PDS5B: variants seen among roughly 807,000 people sequenced by gnomAD.
PDS5B encodes the protein sister chromatid cohesion protein PDS5 homolog B.
PDS5B carries 51 observed loss-of-function variants against 184.1 expected under a neutral mutation model. That is an observed-to-expected ratio of 0.28 (90% CI 0.22 to 0.35). The LOEUF (loss-of-function observed/expected upper bound fraction) is 0.35, where lower values mean the gene tolerates loss of function less well. Ranked by LOEUF, PDS5B falls within the 10% of genes least tolerant of loss-of-function variation. PDS5B has a pLI of 1.00. For missense variants in PDS5B, 1,180 were observed against 1,723.3 expected, an observed-to-expected ratio of 0.68 and a Z score of 5.58; for synonymous variants, 566 against 569.2, an observed-to-expected ratio of 0.99 and a Z score of 0.08.
chr13:32,616,879 A>C (rs2140524177), intron 1 of PDS5B, among the ~76,000 whole-genome samples: 1 of 152,362 alleles, frequency 6.6e-6, no homozygotes, highest in African/African-American at 2.4e-5. Context: ...AGTAGTATTT[A>C]TCATAGTAAA....
chr13:32,653,296 CA>C (rs915575573), intron 3 of PDS5B, among the ~76,000 whole-genome samples: 17 of 151,170 alleles, frequency 1.1e-4, no homozygotes, highest in Non-Finnish European at 2.1e-4. Context: ...GAAAACAAAA[CA>C]AAAAAAAGAT....
intron 1 of PDS5B, among the ~76,000 whole-genome samples, chr13:32,623,387 C>G (rs1340283026): frequency 6.6e-6 from 1 of 152,168 alleles, no homozygotes; most frequent in Non-Finnish European, 1.5e-5. Flanking sequence ...ATTGAGGCCC[C>G]TACCATAATT....
chr13:32,643,048 A>G (rs1046237647), intron 1 of PDS5B, among the ~76,000 whole-genome samples: 1 of 151,976 alleles, frequency 6.6e-6, no homozygotes, highest in Non-Finnish European at 1.5e-5. Flanking sequence ...TTACAAGGTC[A>G]CTCTGTCTAC....
At chr13:32,698,254 A>G (rs1347860084) in intron 15 of PDS5B, among the ~76,000 whole-genome samples, 1 of 152,024 alleles carries the variant, frequency 6.6e-6, no homozygotes, top group Non-Finnish European at 1.5e-5. Context: ...TTTTTCTGAA[A>G]TAATAGGCCT....
In PDS5B at chr13:32,590,725, G is replaced by A. The variant is rs150871280; in HGVS notation, c.-20+4132G>A. ...GTAATTGAAGATATTTTAAAGGAAAGCTCCATATCTCCAAAATATTATTTA... is the reference window on the plus strand; with the variant it reads ...GTAATTGAAGATATTTTAAAGGAAAACTCCATATCTCCAAAATATTATTTA... On this transcript the variant is annotated intron_variant, in intron 1 of 34. Transcript: ENST00000315596. 3.3e-5 allele frequency among the ~76,000 whole-genome samples: 5 copies of A among 152,210 alleles called. No individual in the cohort carries two copies. The East Asian group carries it at 9.6e-4, about 29-fold the overall frequency.
At chr13:32,717,007 G>C (rs1235079835) in intron 19 of PDS5B, among the ~76,000 whole-genome samples, 1 of 135,418 alleles carries the variant, frequency 7.4e-6, no homozygotes, top group African/African-American at 3.0e-5. Flanking sequence ...TGCCCCGTCC[G>C]GGAGGGAGGT....
At chr13:32,766,447 C>T (rs948485826) in intron 31 of PDS5B, among the ~76,000 whole-genome samples, 6 of 152,128 alleles carry the variant, frequency 3.9e-5, no homozygotes, top group African/African-American at 1.4e-4. Flanking sequence ...TTTGTTGTGG[C>T]ATGGATAATG....
At chr13:32,715,766 CTCCTGCCTCA>C in intron 19 of PDS5B, among the ~76,000 whole-genome samples, 1 of 152,168 alleles carries the variant, frequency 6.6e-6, no homozygotes, top group Non-Finnish European at 1.5e-5. Context: ...CTGCCTGATT[CTCCTGCCTCA>C]GCCTGCCGAG....
At chr13:32,695,646 G>A (rs749366115) in intron 14 of PDS5B, among the ~76,000 whole-genome samples, 1 of 151,974 alleles carries the variant, frequency 6.6e-6, no homozygotes, top group Non-Finnish European at 1.5e-5. Flanking sequence ...TATGTTAAGT[G>A]TATAAATCAT....
chr13:32,694,021 C>G (rs746810795), intron 13 of PDS5B, among the ~76,000 whole-genome samples: 2 of 151,732 alleles, frequency 1.3e-5, no homozygotes, highest in African/African-American at 2.4e-5. Flanking sequence ...AATTCGACCA[C>G]TGATTATTTC....
rs760089686 is a variant in PDS5B, at chr13:32,770,503, A to G, written c.4007A>G (p.Asn1336Ser). The G allele has an allele frequency of 3.1e-6, 5 of 1,611,494 alleles. No homozygotes were observed. Among genetic ancestry groups the G allele is most frequent in the Non-Finnish European group, 4.2e-6 (5 of 1,179,472 alleles). ...GAAGAAGAAGAAAGACAAAGTGGAA[A>G]TACGGAACAGAAGTCCAAAAGCAAA... Reference protein sequence around the residue: ...EEEEEERQSGNTEQKSKSKQH... With the variant: ...EEEEEERQSGSTEQKSKSKQH... Residue 1336 changes from asparagine (N) to serine (S), a missense_variant, in exon 32 of 35, where the codon AAT (asparagine) becomes AGT (serine). By Grantham distance (46) the Asn-to-Ser change is conservative (BLOSUM62 1). Coordinates refer to ENST00000315596, the MANE Select transcript of PDS5B (RefSeq NM_015032.4).
chr13:32,653,772 A>G (rs1477883846), intron 3 of PDS5B, among the ~76,000 whole-genome samples: 11 of 152,144 alleles, frequency 7.2e-5, no homozygotes, highest in African/African-American at 2.4e-4. Context: ...GGAGATACTT[A>G]ATTGGTTTAA....
chr13:32,658,589 T>G, intron 5 of PDS5B, 58 bp downstream of exon 5: 1 of 811,528 alleles, frequency 1.2e-6, no homozygotes. Context: ...TTTGAACTTG[T>G]AGGTGAATCT....
intron 10 of PDS5B, among the ~76,000 whole-genome samples, chr13:32,683,153 C>T (rs1951293556): frequency 6.6e-6 from 1 of 151,962 alleles, no homozygotes; most frequent in Admixed American, 6.6e-5. Context: ...GCTGGGACTA[C>T]AGCTGTGTGC....
At chr13:32,653,494 A>T (rs1217597237) in intron 3 of PDS5B, among the ~76,000 whole-genome samples, 2 of 152,188 alleles carry the variant, frequency 1.3e-5, no homozygotes, top group African/African-American at 2.4e-5. Flanking sequence ...AGTTCTTGAT[A>T]ACTGAAGTGA....
At chr13:32,649,058 A>G (rs564581275) in intron 2 of PDS5B, 178 bp downstream of exon 2, 77 of 523,652 alleles carry the variant, frequency 1.5e-4, no homozygotes, top group Middle Eastern at 3.3e-4. Context: ...TTATTTGGCT[A>G]TGATTAAAGG....
At chr13:32,766,992 AAC>A (rs1341393653) in intron 31 of PDS5B, among the ~76,000 whole-genome samples, 5 of 152,132 alleles carry the variant, frequency 3.3e-5, no homozygotes, top group Non-Finnish European at 5.9e-5. Context: ...TTTGAGTAAA[AAC>A]AGTTAATTTT....
chr13:32,657,238 T>G (rs1950537888), intron 3 of PDS5B, among the ~76,000 whole-genome samples: 1 of 152,250 alleles, frequency 6.6e-6, no homozygotes, highest in African/African-American at 2.4e-5. Flanking sequence ...GAACTTGCTT[T>G]ATGAATCTGT....
intron 33 of PDS5B, 198 bp downstream of exon 33, chr13:32,770,959 A>T: frequency 3.5e-6 from 2 of 575,512 alleles, no homozygotes; most frequent in Non-Finnish European, 6.2e-6. Context: ...GGTGCAGGCA[A>T]ATCTTCATAA....
Sources: allele counts gnomAD v4.1 joint callset (sites outside exome capture counted in the v4.1 genomes callset), GRCh38; gene constraint gnomAD v4.1.1; transcripts MANE v1.5; gene names NCBI Gene and HGNC (gene_info 2026-07-23, HGNC 2026-07-21).